SLC14A2: variants seen among roughly 807,000 people sequenced by gnomAD.
The protein encoded by SLC14A2 is urea transporter 2.
A neutral mutation model predicts 104.6 loss-of-function variants in SLC14A2; 91 were observed. That is an observed-to-expected ratio of 0.87 (90% CI 0.73 to 1.04). SLC14A2 has a LOEUF of 1.04. SLC14A2 is among the 50% of genes least tolerant of loss of function. The pLI is 0.00. For missense variants in SLC14A2, 1,189 were observed against 1,156.0 expected (o/e 1.03, Z -0.41); for synonymous variants, 476 against 466.4 (o/e 1.02, Z -0.27).
chr18:45,199,327 C>G, the SLC14A2 span, among the ~76,000 whole-genome samples: 5 of 152,036 alleles, frequency 3.3e-5, no homozygotes, highest in Admixed American at 6.6e-5. Context: ...ACCCTCTTCC[C>G]AATTATTTGT....
chr18:45,545,547 C>T (rs2043956360), intron 2 of SLC14A2, among the ~76,000 whole-genome samples: 1 of 152,200 alleles, frequency 6.6e-6, no homozygotes, highest in South Asian at 2.1e-4. Flanking sequence ...ACAGGAAAAC[C>T]ACAAGGACAG....
At chr18:45,664,582 C>T (rs1003425759) in intron 11 of SLC14A2, among the ~76,000 whole-genome samples, 6 of 152,194 alleles carry the variant, frequency 3.9e-5, no homozygotes, top group Non-Finnish European at 8.8e-5. Context: ...CAGCATTGCC[C>T]AGAGTCACAC....
chr18:45,302,481 G>A (rs2084978179), intron 1 of SLC14A2, among the ~76,000 whole-genome samples: 1 of 152,136 alleles, frequency 6.6e-6, no homozygotes, highest in South Asian at 2.1e-4. Flanking sequence ...ATGGACAGAG[G>A]CCTCAAGATT....
chr18:45,558,629 G>A (rs1457237145), intron 2 of SLC14A2, among the ~76,000 whole-genome samples: 1 of 140,034 alleles, frequency 7.1e-6, no homozygotes, highest in Non-Finnish European at 1.5e-5. Context: ...AGAAACTATG[G>A]AAGTGTGAGC....
At chr18:45,673,403 G>T (rs1416933152) in intron 17 of SLC14A2, among the ~76,000 whole-genome samples, 1 of 152,172 alleles carries the variant, frequency 6.6e-6, no homozygotes, top group African/African-American at 2.4e-5. Flanking sequence ...CTCTTTCTTG[G>T]CAGGGGAAGG....
At chr18:45,310,816 C>A (rs1250804873) in intron 1 of SLC14A2, among the ~76,000 whole-genome samples, 1 of 152,172 alleles carries the variant, frequency 6.6e-6, no homozygotes, top group Non-Finnish European at 1.5e-5. Flanking sequence ...TAGGAAGAAG[C>A]AAGCAGGATG....
At chr18:45,481,874 G>T (rs1268304741) in intron 1 of SLC14A2, among the ~76,000 whole-genome samples, 5 of 152,140 alleles carry the variant, frequency 3.3e-5, no homozygotes, top group Admixed American at 6.5e-5. Flanking sequence ...ATGGTACTTT[G>T]AAAATTGTTT....
chr18:45,656,834 A>G (rs1327657696), intron 10 of SLC14A2, among the ~76,000 whole-genome samples: 1 of 152,246 alleles, frequency 6.6e-6, no homozygotes, highest in African/African-American at 2.4e-5. Flanking sequence ...TTGGCCAACA[A>G]GTGAGCTGCG....
intron 2 of SLC14A2, among the ~76,000 whole-genome samples, chr18:45,510,333 T>C (rs933998943): frequency 1.3e-5 from 2 of 152,180 alleles, no homozygotes; most frequent in African/African-American, 2.4e-5. Context: ...ATGCAACTTA[T>C]AGTGATTTAT....
intron 1 of SLC14A2, among the ~76,000 whole-genome samples, chr18:45,264,472 T>G (rs1328411758): frequency 2.0e-5 from 3 of 152,078 alleles, no homozygotes; most frequent in African/African-American, 7.3e-5. Flanking sequence ...TGAGCCTTAG[T>G]GTATTAGTCC....
At chr18:45,567,917 C>T (rs1286518249) in intron 2 of SLC14A2, among the ~76,000 whole-genome samples, 1 of 152,158 alleles carries the variant, frequency 6.6e-6, no homozygotes, top group African/African-American at 2.4e-5. Context: ...GCAGCCACAT[C>T]CCTCACAACC....
At chr18:45,626,836 T>G in intron 3 of SLC14A2, 122 bp from the exon 4 acceptor site, 41 of 321,870 alleles carry the variant, frequency 1.3e-4, no homozygotes, top group Non-Finnish European at 2.0e-4. Context: ...ACCCCTGGCC[T>G]GGCTGAATGG....
chr18:45,213,460 A>G (rs2167259), intron 1 of SLC14A2, among the ~76,000 whole-genome samples: 12,923 of 152,248 alleles, frequency 0.085, 724 homozygotes, highest in South Asian at 0.13. Flanking sequence ...TTACTACTAT[A>G]CCTAGATTAA....
intron 1 of SLC14A2, among the ~76,000 whole-genome samples, chr18:45,353,941 A>T (rs1027683836): frequency 2.0e-5 from 3 of 152,162 alleles, no homozygotes; most frequent in Non-Finnish European, 1.5e-5. Context: ...TTTTAGCAAG[A>T]TGTATGGGGA....
At chr18:45,604,977 ACT>A (rs1373380934) in intron 2 of SLC14A2, among the ~76,000 whole-genome samples, 20 of 152,174 alleles carry the variant, frequency 1.3e-4, no homozygotes, top group Admixed American at 7.9e-4. Flanking sequence ...TCTTTGCAAG[ACT>A]CTGATTAATA....
chr18:45,661,819 C>G (rs1440307320), intron 10 of SLC14A2, among the ~76,000 whole-genome samples: 1 of 152,156 alleles, frequency 6.6e-6, no homozygotes, highest in African/African-American at 2.4e-5. Flanking sequence ...CTGCATGAAC[C>G]CTGCCTGCAC....
intron 2 of SLC14A2, among the ~76,000 whole-genome samples, chr18:45,567,881 A>AGAAGATGGT (rs2044290316): frequency 6.6e-6 from 1 of 152,188 alleles, no homozygotes; most frequent in Non-Finnish European, 1.5e-5. Flanking sequence ...ATCTTTCAGG[A>AGAAGATGGT]GAAGATGGTG....
chr18:45,608,300 G>T (rs1275320530), intron 2 of SLC14A2, among the ~76,000 whole-genome samples: 1 of 152,214 alleles, frequency 6.6e-6, no homozygotes, highest in Non-Finnish European at 1.5e-5. Context: ...CCCCAGAAAA[G>T]ATGGGAGGAG....
intron 1 of SLC14A2, among the ~76,000 whole-genome samples, chr18:45,476,534 G>A (rs1338801738): frequency 5.3e-5 from 8 of 152,066 alleles, no homozygotes; most frequent in African/African-American, 1.4e-4. Flanking sequence ...CCTGCCTTGC[G>A]AGGCTGGGGA....
Sources: gnomAD v4.1 joint callset for allele counts (sites outside exome capture counted in the v4.1 genomes callset) on GRCh38, gnomAD v4.1.1 for gene constraint, MANE v1.5 for transcripts, NCBI Gene and HGNC (gene_info 2026-07-23, HGNC 2026-07-21) for gene names.